C3orf52: variants seen among roughly 807,000 people sequenced by gnomAD.
C3orf52 encodes the protein TPA-induced transmembrane protein.
C3orf52 carries 22 observed loss-of-function variants against 24.8 expected under a neutral mutation model. The ratio of observed to expected loss-of-function variants is 0.89; its 90% confidence interval spans 0.63 to 1.27. The LOEUF (loss-of-function observed/expected upper bound fraction) is 1.27, where lower values mean the gene tolerates loss of function less well. Among genes scored for constraint, C3orf52 ranks in the 50% most tolerant of loss-of-function variants. The pLI, the probability that C3orf52 is intolerant of heterozygous loss-of-function variation, is 0.00. For missense variants in C3orf52, 265 were observed against 260.7 expected (o/e 1.02, Z -0.11); for synonymous variants, 93 against 100.2 (o/e 0.93, Z 0.43).
intron 2 of C3orf52, among the ~76,000 whole-genome samples, chr3:112,101,219 C>A (rs533079182): frequency 6.6e-6 from 1 of 152,168 alleles, no homozygotes; most frequent in Non-Finnish European, 1.5e-5. Context: ...TCACTATGAT[C>A]TATTACAGCA....
downstream of C3orf52, among the ~76,000 whole-genome samples, chr3:112,131,434 T>C (rs1055810658): frequency 1.3e-5 from 2 of 152,168 alleles, no homozygotes; most frequent in African/African-American, 4.8e-5. Flanking sequence ...CAATGAAAAT[T>C]AGATACCAAT....
chr3:112,127,184 A>T (rs1369255193), intron 4 of C3orf52: 1 of 543,224 alleles, frequency 1.8e-6, no homozygotes. Context: ...GTAAAAAAGA[A>T]AAAAGTAAAA....
intron 3 of C3orf52, among the ~76,000 whole-genome samples, chr3:112,104,457 C>T (rs2074006158): frequency 6.6e-6 from 1 of 152,124 alleles, no homozygotes; most frequent in African/African-American, 2.4e-5. Flanking sequence ...ACAAAAGCTC[C>T]TGAAGAGGCG....
intron 1 of C3orf52, among the ~76,000 whole-genome samples, chr3:112,087,160 G>A (rs1169199782): frequency 6.6e-6 from 1 of 152,078 alleles, no homozygotes; most frequent in African/African-American, 2.4e-5. Context: ...GCGTAGAGAT[G>A]GGGCGGGCGG....
intron 5 of C3orf52, among the ~76,000 whole-genome samples, chr3:112,115,249 T>C (rs1481952865): frequency 5.3e-5 from 8 of 151,756 alleles, no homozygotes; most frequent in African/African-American, 9.7e-5. Context: ...AGAGAAGCAG[T>C]TGGGAAGTGA....
intron 4 of C3orf52, 165 bp from the exon 5 acceptor site, chr3:112,112,799 G>T: frequency 1.4e-6 from 1 of 718,444 alleles, no homozygotes; most frequent in East Asian, 2.6e-5. Context: ...ATCTATGGAA[G>T]AGGATTCTTA....
At chr3:112,126,734 TG>T in intron 4 of C3orf52, among the ~76,000 whole-genome samples, 1 of 152,314 alleles carries the variant, frequency 6.6e-6, no homozygotes, top group East Asian at 1.9e-4. Context: ...TTTGTATCCT[TG>T]CCCCCAGTTA....
At chr3:112,106,174 A>C (rs2074021395) in intron 3 of C3orf52, among the ~76,000 whole-genome samples, 1 of 152,148 alleles carries the variant, frequency 6.6e-6, no homozygotes, top group Non-Finnish European at 1.5e-5. Flanking sequence ...TCACATAGGC[A>C]TGGTGGATTA....
intron 3 of C3orf52, among the ~76,000 whole-genome samples, chr3:112,108,972 T>C (rs1282068329): frequency 1.3e-5 from 2 of 152,174 alleles, no homozygotes; most frequent in East Asian, 3.8e-4. Flanking sequence ...GAAAGCTAGG[T>C]AGTGGAAACA....
At position 112,123,895 on chromosome 3, in the gene C3orf52, C is replaced by T. The variant is rs79980715; in HGVS notation, c.*46+4333C>T. 4.3e-3 allele frequency: 4,447 copies of T among 1,030,818 alleles called. 127 individuals carry two copies. The African/African-American group carries it at 0.063, about 15-fold the overall frequency. 63.9% of individuals were successfully genotyped at this position (1,030,818 alleles called of 1,614,324 possible). On this transcript the variant is annotated intron_variant, in intron 4 of 4. Transcript: ENST00000480282. The stretch of plus-strand genomic sequence containing the variant: ...TTCTATGACCACCTCCTCCCCATCT[C>T]TTGGCCATTTTTTTCTAAATGGCTG...
chr3:112,093,612 G>C (rs761983284), intron 2 of C3orf52, 123 bp downstream of exon 2: 3 of 952,216 alleles, frequency 3.2e-6, no homozygotes, highest in Non-Finnish European at 4.6e-6. Context: ...ATTTAAGACC[G>C]GCTTGGAATA....
In C3orf52 at chr3:112,124,777, A is replaced by G. The variant is rs116196376; in HGVS notation, c.*47-3456A>G. Reference sequence around the variant, plus strand: ...GAGATAAAAAGCAAAGCAGCAAAGTACAGGGGGAAAAGCATGGATTGTGAA... The same window carrying G: ...GAGATAAAAAGCAAAGCAGCAAAGTGCAGGGGGAAAAGCATGGATTGTGAA... On this transcript the variant is annotated intron_variant, in intron 4 of 4. Coordinates refer to the C3orf52 transcript ENST00000480282. 6.5e-3 allele frequency among the ~76,000 whole-genome samples: 994 copies of G among 152,296 alleles called. 14 individuals are homozygous for G. The highest frequency in any genetic ancestry group is 0.023 in the African/African-American group (947 of 41,564).
chr3:112,109,400 T>C (rs2074056615), intron 3 of C3orf52, 143 bp from the exon 4 acceptor site: 2 of 489,804 alleles, frequency 4.1e-6, no homozygotes, highest in Non-Finnish European at 7.5e-6. Context: ...TGGGCTCAAT[T>C]CTTGATCCAG....
downstream of C3orf52, chr3:112,133,149 C>T (rs759386575): frequency 1.2e-5 from 20 of 1,613,212 alleles, no homozygotes; most frequent in South Asian, 1.2e-4. Context: ...GCTTCCCCTC[C>T]GTCCCTTTAC....
chr3:112,116,774 G>T lies in C3orf52; in HGVS notation c.*128G>T. The T allele has an allele frequency of 6.5e-7, 1 of 1,545,874 alleles. No individual in the cohort carries two copies. On this transcript the variant is annotated 3_prime_UTR_variant, in exon 6 of 6. Transcript: ENST00000264848. The stretch of plus-strand genomic sequence containing the variant: ...GAAGCACCAGCAACACCAGAGGGGT[G>T]GAGACTCCTTTCTCTCCCGATTCTA...
At chr3:112,124,006 T>C (rs1430021945) in intron 4 of C3orf52, among the ~76,000 whole-genome samples, 2 of 152,112 alleles carry the variant, frequency 1.3e-5, no homozygotes, top group African/African-American at 4.8e-5. Context: ...TGTTCCAGAG[T>C]GACCTCTGAC....
downstream of C3orf52, chr3:112,133,022 T>A (rs1037482661): frequency 9.2e-6 from 14 of 1,516,334 alleles, no homozygotes; most frequent in Admixed American, 1.0e-4. Flanking sequence ...ATACTAGCTT[T>A]CTTTTTCTCT....
chr3:112,108,813 G>A (rs1192374946), intron 3 of C3orf52, among the ~76,000 whole-genome samples: 1 of 152,142 alleles, frequency 6.6e-6, no homozygotes, highest in East Asian at 1.9e-4. Context: ...GTAAAAATAT[G>A]CAAGGAAAGG....
At chr3:112,125,146 G>A in intron 4 of C3orf52, 1 of 927,130 alleles carries the variant, frequency 1.1e-6, no homozygotes, top group Non-Finnish European at 1.8e-6. Context: ...AGGGATCTCA[G>A]AGGCCAACTT....
Sources: allele counts gnomAD v4.1 joint callset (sites outside exome capture counted in the v4.1 genomes callset), GRCh38; gene constraint gnomAD v4.1.1; transcripts MANE v1.5; gene names NCBI Gene and HGNC (gene_info 2026-07-23, HGNC 2026-07-21).